The following HGF variants were observed in gnomAD, a reference collection of about 807,000 sequenced individuals.
HGF encodes the protein fibroblast-derived tumor cytotoxic factor.
A neutral mutation model predicts 111.6 loss-of-function variants in HGF; 39 were observed. The ratio of observed to expected loss-of-function variants is 0.35; its 90% CI spans 0.27 to 0.46. The LOEUF is 0.46. Ranked by LOEUF, HGF falls within the 20% of genes least tolerant of loss-of-function variation. HGF has a pLI of 1.00. For synonymous variants in HGF, 285 were observed against 294.8 expected (o/e 0.97, Z 0.34); for missense variants, 735 against 910.5 (o/e 0.81, Z 2.48).
intron 3 of HGF, among the ~76,000 whole-genome samples, chr7:81,757,519 A>G (rs1788839146): frequency 6.6e-6 from 1 of 152,190 alleles, no homozygotes; most frequent in African/African-American, 2.4e-5. Context: ...AATTTTGTGT[A>G]TATATGCATA....
chr7:81,703,727 G>A (rs562630373), intron 17 of HGF, among the ~76,000 whole-genome samples: 8 of 151,550 alleles, frequency 5.3e-5, no homozygotes, highest in African/African-American at 1.7e-4. Context: ...AGAGTGTTTG[G>A]AACTACCTTA....
chr7:81,735,887 A>T (rs1196462788), intron 7 of HGF, among the ~76,000 whole-genome samples: 1 of 152,092 alleles, frequency 6.6e-6, no homozygotes, highest in African/African-American at 2.4e-5. Flanking sequence ...GTAGAAAAAC[A>T]GAATTCTCTC....
chr7:81,729,313 G>C (rs1787555518), intron 8 of HGF, among the ~76,000 whole-genome samples: 1 of 152,062 alleles, frequency 6.6e-6, no homozygotes, highest in Admixed American at 6.6e-5. Flanking sequence ...AGACCCAGAA[G>C]AGCAAAACTG....
At chr7:81,748,195 T>C (rs915894808) in intron 5 of HGF, among the ~76,000 whole-genome samples, 4 of 152,174 alleles carry the variant, frequency 2.6e-5, no homozygotes, top group African/African-American at 9.7e-5. Flanking sequence ...TACTTTATGA[T>C]ATACTGATAG....
At chr7:81,715,827 TA>T (rs1209976541) in intron 11 of HGF, among the ~76,000 whole-genome samples, 35 of 152,198 alleles carry the variant, frequency 2.3e-4, no homozygotes, top group Non-Finnish European at 4.4e-4. Flanking sequence ...TTAGAGTAGA[TA>T]TTTTTGCTGC....
chr7:81,707,605 GTAGTC>G (rs1263741643), intron 13 of HGF, among the ~76,000 whole-genome samples: 1 of 152,078 alleles, frequency 6.6e-6, no homozygotes, highest in African/African-American at 2.4e-5. Context: ...TGACTTTTGT[GTAGTC>G]TAAAGTTATT....
At chr7:81,762,935 T>TA (rs1033613913) in intron 1 of HGF, 63 bp from the exon 2 acceptor site, 29 of 973,536 alleles carry the variant, frequency 3.0e-5, no homozygotes, top group South Asian at 5.8e-5. Flanking sequence ...GGCTCATATA[T>TA]AAAAAAAATC....
intron 7 of HGF, among the ~76,000 whole-genome samples, chr7:81,736,410 T>G (rs1787827560): frequency 1.3e-5 from 2 of 152,188 alleles, no homozygotes; most frequent in Admixed American, 1.3e-4. Flanking sequence ...TATCCTTTAT[T>G]TTACTGAACA....
chr7:81,769,812 A>T, intron 1 of HGF, 72 bp downstream of exon 1: 2 of 1,149,004 alleles, frequency 1.7e-6, no homozygotes, highest in Non-Finnish European at 2.6e-6. Flanking sequence ...AGAGGGTGTT[A>T]AAAGGAATAG....
At position 81,744,974 on chromosome 7, in the gene HGF, G is replaced by A. The variant is rs2116041756; in HGVS notation, c.746+26C>T. 3 of 1,610,980 alleles carry A rather than the reference G, an allele frequency of 1.9e-6. No individual in the cohort carries two copies. The South Asian group carries it at 3.3e-5, about 18-fold the overall frequency. On this transcript the variant is annotated intron_variant, in intron 6 of 17. Transcript: ENST00000222390. ...AATAATAGTTTGTAAAAGAATCACT[G>A]AAAGCATGATTCATTAATATTTTAC...
chr7:81,717,236 A>T lies in HGF; in HGVS notation c.1401T>A (p.Ser467=). ...PLIPWDYCPI[S]RCEGDTTPTI... is the part of the protein sequence containing the mutation. ...CCAATCCCTAACTGTACTTACAACG[A>T]GAAATAGGGCAATAATCCCAAGGAA... Residue 467 remains serine, a synonymous_variant, in exon 11 of 18, where the codon TCT becomes TCA. Transcript: ENST00000222390. 6.2e-7 allele frequency: 1 copy of T among 1,613,550 alleles called. No homozygotes were observed. The highest frequency in any genetic ancestry group is 8.5e-7 in the Non-Finnish European group (1 of 1,179,516).
intron 6 of HGF, 98 bp from the exon 7 acceptor site, chr7:81,743,569 C>G: frequency 2.4e-6 from 2 of 828,922 alleles, no homozygotes; most frequent in Admixed American, 1.7e-5. Flanking sequence ...TTGTCTACAC[C>G]TAGCTGGGGA....
rs202027622 is a variant in HGF at position 81,741,982 on chromosome 7, CAT to C, written c.865+1369_865+1370del. On this transcript the variant is annotated intron_variant, in intron 7 of 17. Transcript: ENST00000222390. ...AAAAAGAGTACCTAAACCACACATACATACACACACAAAAAATCAGAAGGGAA... is the reference window on the plus strand; with the variant it reads ...AAAAAGAGTACCTAAACCACACATACACACACACAAAAAATCAGAAGGGAA... Among the ~76,000 whole-genome samples the C allele has an allele frequency of 8.2e-3, 1,097 of 134,584 alleles. 14 individuals carry two copies. The highest frequency in any genetic ancestry group is 0.028 in the African/African-American group (1,029 of 36,680). 88.3% of individuals were successfully genotyped at this position (134,584 alleles called of 152,430 possible). A position where few individuals can be genotyped will look rare whatever the true frequency, so the allele number is the denominator to read the frequency against.
At chr7:81,760,686 TG>T (rs1789024647) in intron 2 of HGF, among the ~76,000 whole-genome samples, 1 of 66,796 alleles carries the variant, frequency 1.5e-5, no homozygotes, top group Non-Finnish European at 3.3e-5. Flanking sequence ...CGTGCGTGTG[TG>T]TGTGTGTGTG....
At chr7:81,758,226 C>T (rs1788878502) in intron 3 of HGF, among the ~76,000 whole-genome samples, 2 of 151,752 alleles carry the variant, frequency 1.3e-5, no homozygotes, top group South Asian at 4.2e-4. Flanking sequence ...TATGATGAAA[C>T]ATAGTCCCAA....
In HGF at chr7:81,699,552, T is replaced by G. The variant is rs1212507178; in HGVS notation, c.*3029A>C. The G allele has an allele frequency of 6.6e-6, 1 of 151,670 alleles. No homozygotes were observed. The allele number at this position is 151,670 out of a possible 1,614,324, so 9.4% of individuals were successfully genotyped here. A position where few individuals can be genotyped will look rare whatever the true frequency, so the allele number is the denominator to read the frequency against. On this transcript the variant is annotated 3_prime_UTR_variant, in exon 18 of 18. Transcript: ENST00000222390. ...TAAATTGATTTAAGGCTTTTTAGTATAAGATCTTATTAAAATTCTTTACCA... is the reference window on the plus strand; with the variant it reads ...TAAATTGATTTAAGGCTTTTTAGTAGAAGATCTTATTAAAATTCTTTACCA...
chr7:81,763,556 C>G (rs5745625), intron 1 of HGF, among the ~76,000 whole-genome samples: 2,238 of 152,186 alleles, frequency 0.015, 54 homozygotes, highest in African/African-American at 0.052. Flanking sequence ...CATGAAAATA[C>G]AAGGCGCCTA....
Position 81,710,227 on chromosome 7 carries a change from A to G in HGF, c.1461T>C (p.Cys487=), listed in dbSNP as rs1427700512. 2 of 1,612,286 alleles carry G rather than the reference A, an allele frequency of 1.2e-6. No homozygotes were observed. The highest frequency in any genetic ancestry group is 2.2e-5 in the East Asian group (1 of 44,878). ...IVNLDHPVIS[C]AKTKQLRVVN... The stretch of plus-strand genomic sequence containing the variant: ...CAACTCGCAATTGTTTCGTTTTGGC[A>G]CAAGATATTACGGGATCTGAAACAG... The change falls in exon 13 of 18, where the codon TGT becomes TGC. Residue 487 remains cysteine, a synonymous_variant. Coordinates refer to ENST00000222390, the MANE Select transcript of HGF (RefSeq NM_000601.6).
intron 9 of HGF, among the ~76,000 whole-genome samples, chr7:81,724,758 G>T (rs891492017): frequency 2.0e-5 from 3 of 152,148 alleles, no homozygotes; most frequent in Non-Finnish European, 4.4e-5. Flanking sequence ...TTGAATGGTA[G>T]TTGTGTTTTA....
Sources: gnomAD v4.1 joint callset for allele counts (sites outside exome capture counted in the v4.1 genomes callset) on GRCh38, gnomAD v4.1.1 for gene constraint, MANE v1.5 for transcripts, NCBI Gene and HGNC (gene_info 2026-07-23, HGNC 2026-07-21) for gene names.